The following GPC3 variants were observed in gnomAD, a reference collection of about 807,000 sequenced individuals.
GPC3 encodes the protein glypican-3.
A neutral mutation model predicts 34.4 loss-of-function variants in GPC3; 3 were observed. That is an observed-to-expected ratio of 0.09 (90% CI 0.04 to 0.23). The LOEUF is 0.23. Ranked by LOEUF, GPC3 falls within the 10% of genes least tolerant of loss-of-function variation. GPC3 has a pLI of 1.00. For missense variants in GPC3, 351 were observed against 445.6 expected (o/e 0.79, Z 1.91); for synonymous variants, 177 against 174.0 (o/e 1.02, Z -0.13).
intron 6 of GPC3, among the ~76,000 whole-genome samples, chrX:133,636,074 G>T: frequency 9.0e-6 from 1 of 111,212 alleles, no homozygotes; most frequent in East Asian, 2.8e-4. Flanking sequence ...CAATTATTCC[G>T]AACAGTGTTT....
chrX:133,551,984 A>AT (rs2069437648), intron 7 of GPC3, among the ~76,000 whole-genome samples: 3 of 112,921 alleles, frequency 2.7e-5, no homozygotes, highest in Non-Finnish European at 5.6e-5. Context: ...GGGGAAAATG[A>AT]TTTGGATTTA....
At chrX:133,684,754 T>A (rs1210218638) in intron 5 of GPC3, among the ~76,000 whole-genome samples, 2 of 111,556 alleles carry the variant, frequency 1.8e-5, no homozygotes, top group East Asian at 5.6e-4. Context: ...ATAACTTATT[T>A]TAGCACGAGA....
At chrX:133,791,255 G>A (rs1054776441) in intron 2 of GPC3, among the ~76,000 whole-genome samples, 1 of 111,225 alleles carries the variant, frequency 9.0e-6, no homozygotes, top group Admixed American at 9.6e-5. Flanking sequence ...CAGCTTCCCC[G>A]GAAACTCATC....
chrX:133,644,159 A>T (rs968830500), intron 6 of GPC3, among the ~76,000 whole-genome samples: 5 of 110,469 alleles, frequency 4.5e-5, no homozygotes, highest in African/African-American at 1.6e-4. Context: ...AATGCTACTG[A>T]AATATCCTTA....
intron 2 of GPC3, among the ~76,000 whole-genome samples, chrX:133,784,424 A>G (rs1338944083): frequency 4.5e-5 from 5 of 111,525 alleles, no homozygotes; most frequent in African/African-American, 1.6e-4. Flanking sequence ...ATTTGTAATC[A>G]GGGAATTGAA....
intron 2 of GPC3, among the ~76,000 whole-genome samples, chrX:133,868,035 G>A (rs942724251): frequency 1.8e-5 from 2 of 110,646 alleles, no homozygotes; most frequent in Admixed American, 1.9e-4. Flanking sequence ...TCAAGCCCAT[G>A]TGTGACCCAA....
At chrX:133,782,460 T>C (rs2072057717) in intron 2 of GPC3, among the ~76,000 whole-genome samples, 1 of 111,943 alleles carries the variant, frequency 8.9e-6, no homozygotes, top group African/African-American at 3.2e-5. Context: ...CACTCAGCAC[T>C]CCACCTGTTT....
chrX:133,888,285 G>A (rs2076070811), intron 2 of GPC3, among the ~76,000 whole-genome samples: 1 of 111,522 alleles, frequency 9.0e-6, no homozygotes, highest in Admixed American at 9.6e-5. Flanking sequence ...AGTATTCCAT[G>A]GTGTATATGT....
chrX:133,939,126 T>G (rs1233825319), intron 2 of GPC3, among the ~76,000 whole-genome samples: 3 of 111,761 alleles, frequency 2.7e-5, no homozygotes, highest in East Asian at 5.6e-4. Flanking sequence ...GCCTCTCTCA[T>G]GTACATCCTA....
intron 2 of GPC3, among the ~76,000 whole-genome samples, chrX:133,944,471 T>C (rs1410613118): frequency 8.9e-6 from 1 of 111,902 alleles, no homozygotes; most frequent in Non-Finnish European, 1.9e-5. Context: ...AGTCTCCCTT[T>C]GCTGAGTAGA....
chrX:133,697,950 G>A (rs1442060843), intron 4 of GPC3, among the ~76,000 whole-genome samples: 2 of 112,092 alleles, frequency 1.8e-5, no homozygotes, highest in East Asian at 5.6e-4. Context: ...GGGAGCACAG[G>A]AAGGAGAAGG....
intron 3 of GPC3, among the ~76,000 whole-genome samples, chrX:133,716,763 C>T (rs1421954956): frequency 9.0e-6 from 1 of 111,198 alleles, no homozygotes; most frequent in Non-Finnish European, 1.9e-5. Context: ...AGAAAGAGTA[C>T]TTGAAGAAAT....
chrX:133,981,294 GCTCC>G (rs2076537588), intron 1 of GPC3, among the ~76,000 whole-genome samples: 1 of 111,505 alleles, frequency 9.0e-6, no homozygotes, highest in Non-Finnish European at 1.9e-5. Flanking sequence ...TAGACTGTGA[GCTCC>G]TTGACAAAAG....
intron 2 of GPC3, among the ~76,000 whole-genome samples, chrX:133,788,282 C>G (rs1463846699): frequency 9.4e-6 from 1 of 106,820 alleles, no homozygotes; most frequent in Non-Finnish European, 1.9e-5. Flanking sequence ...CTCCTGGGCT[C>G]TAGGAAAAGA....
chrX:133,894,268 G>A (rs182684439), intron 2 of GPC3, among the ~76,000 whole-genome samples: 1 of 112,270 alleles, frequency 8.9e-6, no homozygotes, highest in Non-Finnish European at 1.9e-5. Flanking sequence ...CAGGCACAAT[G>A]TGCATCCTCT....
At position 133,787,993 on chromosome X, in the gene GPC3, C is replaced by A. The variant is rs190640156; in HGVS notation, c.338-33817G>T. Among the ~76,000 whole-genome samples, 406 of 104,956 alleles carry A rather than the reference C, an allele frequency of 3.9e-3. 2 individuals carry two copies. Among genetic ancestry groups the A allele is most frequent in the African/African-American group, 0.013 (384 of 28,588 alleles). The allele number at this position is 104,956 out of a possible 115,157, so 91.1% of individuals were successfully genotyped here. A position where few individuals can be genotyped will look rare whatever the true frequency, so the allele number is the denominator to read the frequency against. On this transcript the variant is annotated intron_variant, in intron 2 of 7. Transcript: ENST00000370818. ...ACATTATTGCCAGGCACTGTGTTAG[C>A]CCCTGGGGATTAAAGATGAATATGC... is the stretch of plus-strand genomic sequence containing the variant.
intron 7 of GPC3, among the ~76,000 whole-genome samples, chrX:133,575,097 A>G (rs921749427): frequency 8.9e-6 from 1 of 111,981 alleles, no homozygotes; most frequent in African/African-American, 3.2e-5. Flanking sequence ...TGGCTGGACC[A>G]TTTATTAGTT....
chrX:133,547,119 A>G (rs1373030341), intron 7 of GPC3, among the ~76,000 whole-genome samples: 11 of 111,476 alleles, frequency 9.9e-5, no homozygotes, highest in Non-Finnish European at 1.9e-4. Context: ...GAGCTAAAAA[A>G]TAGATCTCAT....
chrX:133,617,444 G>A (rs148312960), intron 6 of GPC3, among the ~76,000 whole-genome samples: 1 of 112,266 alleles, frequency 8.9e-6, no homozygotes, highest in African/African-American at 3.2e-5. Context: ...TTCCTTGTCT[G>A]CAATGGTATT....
Sources: allele counts gnomAD v4.1 joint callset (sites outside exome capture counted in the v4.1 genomes callset), GRCh38; gene constraint gnomAD v4.1.1; transcripts MANE v1.5; gene names NCBI Gene and HGNC (gene_info 2026-07-23, HGNC 2026-07-21).